Variants in BMPR1B observed in about 807,000 individuals in gnomAD.
BMPR1B encodes bone morphogenetic protein receptor type 1B, also known as bone morphogenetic protein receptor type-1B.
A neutral mutation model predicts 59.1 loss-of-function variants in BMPR1B; 12 were observed. The observed-to-expected ratio is 0.20, with a 90% confidence interval of 0.13 to 0.33. BMPR1B has a LOEUF of 0.33. BMPR1B is among the 10% of genes least tolerant of loss of function. BMPR1B has a pLI of 1.00. For missense variants in BMPR1B, 550 were observed against 610.9 expected (o/e 0.90, Z 1.05); for synonymous variants, 237 against 207.3 (o/e 1.14, Z -1.23).
At chr4:94,806,854 G>GT (rs940533658) in intron 1 of BMPR1B, among the ~76,000 whole-genome samples, 50 of 151,762 alleles carry the variant, frequency 3.3e-4, no homozygotes, top group African/African-American at 9.7e-4. Flanking sequence ...AGCTTCTTGT[G>GT]TTTTTTTGGC....
intron 4 of BMPR1B, among the ~76,000 whole-genome samples, chr4:95,106,922 C>CT (rs1731235073): frequency 1.3e-5 from 2 of 151,044 alleles, no homozygotes; most frequent in Non-Finnish European, 2.9e-5. Context: ...CTGCACATTT[C>CT]TTCATTTTTT....
chr4:95,063,579 A>G (rs1727571263), intron 3 of BMPR1B, among the ~76,000 whole-genome samples: 1 of 152,188 alleles, frequency 6.6e-6, no homozygotes, highest in Admixed American at 6.5e-5. Flanking sequence ...TCTAGCAGCT[A>G]TACCAAATAA....
chr4:94,940,478 A>T (rs7684393), intron 2 of BMPR1B, among the ~76,000 whole-genome samples: 3,251 of 152,276 alleles, frequency 0.021, 131 homozygotes, highest in African/African-American at 0.073. Context: ...TAAAATTTCT[A>T]TAGCCTTGCT....
intron 2 of BMPR1B, among the ~76,000 whole-genome samples, chr4:94,993,327 TA>T (rs1254447899): frequency 6.6e-6 from 1 of 152,188 alleles, no homozygotes; most frequent in Admixed American, 6.5e-5. Context: ...AATAGTCCTT[TA>T]TTCATAACAC....
At chr4:94,936,082 A>G (rs1397638390) in intron 2 of BMPR1B, among the ~76,000 whole-genome samples, 2 of 152,190 alleles carry the variant, frequency 1.3e-5, no homozygotes, top group Non-Finnish European at 2.9e-5. Flanking sequence ...AAAGTCAGAA[A>G]AGAGTGCTTC....
chr4:94,835,027 A>G (rs1724748636), intron 1 of BMPR1B, among the ~76,000 whole-genome samples: 2 of 151,644 alleles, frequency 1.3e-5, no homozygotes, highest in Admixed American at 1.3e-4. Context: ...ACAACCATTA[A>G]TTTATGCAGC....
At chr4:95,040,461 A>G (rs113235917) in intron 3 of BMPR1B, among the ~76,000 whole-genome samples, 19 of 152,330 alleles carry the variant, frequency 1.2e-4, no homozygotes, top group African/African-American at 3.8e-4. Flanking sequence ...AGTTATAGCA[A>G]TCCTTTTTAA....
chr4:94,929,324 G>T (rs1280952972), intron 2 of BMPR1B, among the ~76,000 whole-genome samples: 2 of 152,080 alleles, frequency 1.3e-5, no homozygotes, highest in Admixed American at 1.3e-4. Context: ...TATGTGCCGT[G>T]ACCTATGCTA....
At chr4:94,830,749 G>A (rs1474482040) in intron 1 of BMPR1B, among the ~76,000 whole-genome samples, 1 of 152,118 alleles carries the variant, frequency 6.6e-6, no homozygotes, top group Non-Finnish European at 1.5e-5. Context: ...GGTCCCATAA[G>A]GATGTTGCTG....
intron 10 of BMPR1B, among the ~76,000 whole-genome samples, chr4:95,133,177 T>C (rs1733501976): frequency 2.0e-5 from 3 of 152,232 alleles, no homozygotes; most frequent in Admixed American, 2.0e-4. Flanking sequence ...GTGGGCCTTC[T>C]ATACCATTTT....
intron 3 of BMPR1B, among the ~76,000 whole-genome samples, chr4:95,063,331 T>C (rs1727546476): frequency 6.6e-6 from 1 of 152,158 alleles, no homozygotes; most frequent in Admixed American, 6.6e-5. Context: ...ACAGGACAAG[T>C]TAAGGATAGT....
intron 2 of BMPR1B, among the ~76,000 whole-genome samples, chr4:94,967,329 G>C (rs544047034): frequency 4.9e-4 from 75 of 152,270 alleles, no homozygotes; most frequent in African/African-American, 1.8e-3. Context: ...AGAAAGTAGG[G>C]ATTGTCACAA....
intron 1 of BMPR1B, among the ~76,000 whole-genome samples, chr4:94,765,383 CAT>C (rs1390719057): frequency 6.6e-6 from 1 of 152,110 alleles, no homozygotes; most frequent in East Asian, 1.9e-4. Flanking sequence ...CATTCTGAAA[CAT>C]ATTTAATGTG....
At chr4:95,120,610 TTTCC>T (rs777085969) in intron 6 of BMPR1B, among the ~76,000 whole-genome samples, 3,756 of 122,646 alleles carry the variant, frequency 0.031, 165 homozygotes, top group African/African-American at 0.096. Context: ...ATAGCCTGCC[TTTCC>T]TTCCTTCCTT....
chr4:94,911,201 T>A (rs1260980458), intron 2 of BMPR1B, among the ~76,000 whole-genome samples: 1 of 152,170 alleles, frequency 6.6e-6, no homozygotes, highest in Non-Finnish European at 1.5e-5. Flanking sequence ...AGACTGAGGA[T>A]ACAGAGATGA....
At chr4:94,901,151 T>C (rs987651427) in intron 2 of BMPR1B, among the ~76,000 whole-genome samples, 1 of 151,966 alleles carries the variant, frequency 6.6e-6, no homozygotes, top group Non-Finnish European at 1.5e-5. Context: ...ACATTGGTCA[T>C]TGAAGAGATT....
chr4:94,764,218 A>G (rs1216407728), intron 1 of BMPR1B, among the ~76,000 whole-genome samples: 3 of 152,142 alleles, frequency 2.0e-5, no homozygotes, highest in Non-Finnish European at 2.9e-5. Flanking sequence ...AATAACCTGG[A>G]TGAACAACTT....
intron 1 of BMPR1B, among the ~76,000 whole-genome samples, chr4:94,802,657 A>G (rs1443538456): frequency 6.6e-6 from 1 of 152,190 alleles, no homozygotes; most frequent in Non-Finnish European, 1.5e-5. Context: ...TCATGGGGTC[A>G]CAAAATTCAC....
At chr4:95,096,070 C>T (rs550275367) in intron 3 of BMPR1B, among the ~76,000 whole-genome samples, 38 of 149,822 alleles carry the variant, frequency 2.5e-4, no homozygotes, top group Non-Finnish European at 3.4e-4. Context: ...GCAAAAATCA[C>T]GTATATGAGT....
Sources: gnomAD v4.1 joint callset for allele counts (sites outside exome capture counted in the v4.1 genomes callset) on GRCh38, gnomAD v4.1.1 for gene constraint, MANE v1.5 for transcripts, NCBI Gene and HGNC (gene_info 2026-07-23, HGNC 2026-07-21) for gene names.